ATP6V1H: variants seen among roughly 807,000 people sequenced by gnomAD.
The protein encoded by ATP6V1H is ATPase H+ transporting V1 subunit H.
In ATP6V1H, 39 loss-of-function variants were observed where a neutral mutation model predicts 71.7. That is an observed-to-expected ratio of 0.54 (90% CI 0.42 to 0.71). The LOEUF (loss-of-function observed/expected upper bound fraction) is 0.71. Ranked by LOEUF, ATP6V1H falls within the 30% of genes least tolerant of loss-of-function variation. The pLI, the probability that ATP6V1H is intolerant of heterozygous loss-of-function variation, is 0.00. For missense variants in ATP6V1H, 509 were observed against 594.9 expected, an observed-to-expected ratio of 0.86 and a Z score of 1.50; for synonymous variants, 192 against 199.3, an observed-to-expected ratio of 0.96 and a Z score of 0.31.
chr8:53,840,409 A>T (rs932068578), intron 2 of ATP6V1H, among the ~76,000 whole-genome samples: 3 of 152,050 alleles, frequency 2.0e-5, no homozygotes, highest in Non-Finnish European at 4.4e-5. Context: ...GAGGAAGGAG[A>T]ACTGCTTGAA....
At chr8:53,771,508 G>A (rs914300072) in intron 10 of ATP6V1H, among the ~76,000 whole-genome samples, 49 of 152,154 alleles carry the variant, frequency 3.2e-4, no homozygotes, top group African/African-American at 1.0e-3. Flanking sequence ...AGGCAGTGAA[G>A]ATGGTGGGAG....
At position 53,817,461 on chromosome 8, in the gene ATP6V1H, A is replaced by T; in HGVS notation, c.376T>A (p.Phe126Ile). The change falls in exon 5 of 14, where the codon TTT (phenylalanine) becomes ATT (isoleucine). Residue 126 changes from phenylalanine (F) to isoleucine (I), a missense_variant. Transcript: ENST00000359530. The stretch of plus-strand genomic sequence containing the variant: ...TCCTGGCGATTCAACATTGGCAGAA[A>T]GTAGGGCCACGCAGTGTTCTTGCTA... ...RCSKNTAWPY[F>I]LPMLNRQDPF... 1 of 1,613,820 alleles carries T rather than the reference A, an allele frequency of 6.2e-7. No individual in the cohort carries two copies. The highest frequency in any genetic ancestry group is 8.5e-7 in the Non-Finnish European group (1 of 1,179,772).
At position 53,793,066 on chromosome 8, in the gene ATP6V1H, A is replaced by C. The variant is rs372511203; in HGVS notation, c.870+2581T>G. ...TATTAACTACCGACACCTAGAAAAG[A>C]GTTCCTACACATCAAATTTTAAAAT... On this transcript the variant is annotated intron_variant, in intron 9 of 13. Coordinates refer to ENST00000359530, the MANE Select transcript of ATP6V1H (RefSeq NM_015941.4). Among the ~76,000 whole-genome samples, 46 of 152,344 alleles carry C rather than the reference A, an allele frequency of 3.0e-4. No homozygotes were observed. In the East Asian group the frequency reaches 4.1e-3, roughly 13 times the overall value.
Position 53,745,988 on chromosome 8 carries a change from A to AT in ATP6V1H, c.1278-2299_1278-2298insA, listed in dbSNP as rs554271597. 2.3e-3 allele frequency among the ~76,000 whole-genome samples: 343 copies of AT among 152,352 alleles called. 2 individuals carry two copies. The highest frequency in any genetic ancestry group is 8.0e-3 in the African/African-American group (332 of 41,576). The stretch of plus-strand genomic sequence containing the variant: ...ATTCTGGAACCTGTGAATAATGAGG[A>AT]CCAAATACAATCTCAGAAAACTGCC... On this transcript the variant is annotated intron_variant, in intron 12 of 13. Transcript: ENST00000359530.
intron 7 of ATP6V1H, chr8:53,806,612 T>C (rs1810085287): frequency 6.2e-6 from 1 of 160,890 alleles, no homozygotes; most frequent in African/African-American, 2.4e-5. Context: ...TCTTTATAAA[T>C]TATTGCTTTG....
At position 53,715,997 on chromosome 8, in the gene ATP6V1H, G is replaced by A. The variant is rs149488947; in HGVS notation, c.1419C>T (p.Ser473=). 5.8e-5 allele frequency: 94 copies of A among 1,607,332 alleles called. No homozygotes were observed. In the South Asian group the frequency reaches 7.3e-4, roughly 13 times the overall value. The change falls in exon 14 of 14, where the codon TCC becomes TCT. Residue 473 remains serine (S), a synonymous_variant. Coordinates refer to ENST00000359530, the MANE Select transcript of ATP6V1H (RefSeq NM_015941.4). ...NWEYLGKQLQ[S]EQPQTAAARS ...GGGCGGCAGCGGTCTGGGGCTGCTC[G>A]GACTGGAGCTGCTTGCCAAGGTATT...
intron 12 of ATP6V1H, among the ~76,000 whole-genome samples, chr8:53,747,473 C>T (rs1024306455): frequency 6.6e-6 from 1 of 151,086 alleles, no homozygotes; most frequent in Non-Finnish European, 1.5e-5. Context: ...ACTCTTCTCA[C>T]TCTTTTTTAT....
At chr8:53,835,529 G>A (rs1191762247) in intron 2 of ATP6V1H, among the ~76,000 whole-genome samples, 2 of 152,178 alleles carry the variant, frequency 1.3e-5, no homozygotes, top group Non-Finnish European at 2.9e-5. Flanking sequence ...TCCCTTCTGG[G>A]TTTTGTACAT....
chr8:53,730,527 T>C (rs139680705), intron 13 of ATP6V1H, among the ~76,000 whole-genome samples: 4 of 152,178 alleles, frequency 2.6e-5, no homozygotes, highest in Non-Finnish European at 5.9e-5. Context: ...ACCAAAACCA[T>C]GAGTCTGAGT....
At chr8:53,822,731 C>A (rs1390431190) in intron 4 of ATP6V1H, among the ~76,000 whole-genome samples, 1 of 151,882 alleles carries the variant, frequency 6.6e-6, no homozygotes, top group Non-Finnish European at 1.5e-5. Context: ...ACAAACAAGA[C>A]CCGAATCTAT....
chr8:53,822,528 C>G lies in ATP6V1H; in HGVS notation c.307-4998G>C, dbSNP rs116467598. Among the ~76,000 whole-genome samples the G allele has an allele frequency of 2.1e-3, 325 of 151,630 alleles. 1 individual carries two copies. The highest frequency in any genetic ancestry group is 6.2e-3 in the African/African-American group (256 of 41,358). ...AAAGGGATATAAATACAAAGATAAC[C>G]AACAGAACAGACAGAAAACTTCCTA... On this transcript the variant is annotated intron_variant, in intron 4 of 13. Transcript: ENST00000359530.
chr8:53,810,932 A>T (rs1585813247), intron 7 of ATP6V1H, among the ~76,000 whole-genome samples: 1 of 152,316 alleles, frequency 6.6e-6, no homozygotes, highest in East Asian at 1.9e-4. Context: ...CTGAAACAAA[A>T]GTCACCTGGA....
At chr8:53,810,399 T>C (rs1282627279) in intron 7 of ATP6V1H, among the ~76,000 whole-genome samples, 1 of 152,094 alleles carries the variant, frequency 6.6e-6, no homozygotes, top group East Asian at 1.9e-4. Context: ...TTAATCTTAA[T>C]TATGTAGATT....
At chr8:53,792,344 A>G (rs992550229) in intron 9 of ATP6V1H, among the ~76,000 whole-genome samples, 1 of 152,222 alleles carries the variant, frequency 6.6e-6, no homozygotes, top group African/African-American at 2.4e-5. Flanking sequence ...CCTGGTCAAT[A>G]GCTGGTCGGT....
chr8:53,797,774 C>T (rs562622525), intron 8 of ATP6V1H, among the ~76,000 whole-genome samples: 2 of 151,548 alleles, frequency 1.3e-5, no homozygotes, highest in South Asian at 2.1e-4. Flanking sequence ...CCAGGGTGGG[C>T]GGATCTCTTG....
intron 4 of ATP6V1H, among the ~76,000 whole-genome samples, chr8:53,820,432 C>A (rs930996621): frequency 6.6e-6 from 1 of 151,566 alleles, no homozygotes; most frequent in Non-Finnish European, 1.5e-5. Flanking sequence ...ATCTGCCCCC[C>A]ACCAAAAGAA....
intron 10 of ATP6V1H, among the ~76,000 whole-genome samples, chr8:53,771,004 C>G (rs558346673): frequency 1.3e-5 from 2 of 152,348 alleles, no homozygotes; most frequent in East Asian, 3.8e-4. Context: ...CCTCCCATCT[C>G]TGGGAAATCT....
chr8:53,742,272 AGCACTCCAGCTGT>A (rs1807439964), intron 13 of ATP6V1H, among the ~76,000 whole-genome samples: 1 of 152,208 alleles, frequency 6.6e-6, no homozygotes, highest in Admixed American at 6.5e-5. Flanking sequence ...GGATATTACC[AGCACTCCAGCTGT>A]CTATCCACTA....
At chr8:53,719,325 C>G (rs1214039037) in intron 13 of ATP6V1H, among the ~76,000 whole-genome samples, 1 of 152,128 alleles carries the variant, frequency 6.6e-6, no homozygotes, top group Non-Finnish European at 1.5e-5. Flanking sequence ...CACGCACCAC[C>G]ACGCTCGGCT....
Sources: allele counts gnomAD v4.1 joint callset (sites outside exome capture counted in the v4.1 genomes callset), GRCh38; gene constraint gnomAD v4.1.1; transcripts MANE v1.5; gene names NCBI Gene and HGNC (gene_info 2026-07-23, HGNC 2026-07-21).